PUM1: variants seen among roughly 807,000 people sequenced by gnomAD.
The protein encoded by PUM1 is pumilio RNA binding family member 1.
In PUM1, 13 loss-of-function variants were observed where a neutral mutation model predicts 131.8. The ratio of observed to expected loss-of-function variants is 0.10; its 90% CI spans 0.06 to 0.16. PUM1 has a LOEUF of 0.16. Among genes scored for constraint, PUM1 ranks in the 10% least tolerant of loss-of-function variants. The probability of loss-of-function intolerance (pLI) is 1.00; values close to 1 mark genes in which losing one functional copy is unlikely to be tolerated. For synonymous variants in PUM1, 509 were observed against 556.5 expected, an observed-to-expected ratio of 0.91 and a Z score of 1.20; for missense variants, 961 against 1,512.4, an observed-to-expected ratio of 0.64 and a Z score of 6.05.
chr1:31,037,295 T>G (rs1045936006), intron 2 of PUM1: 3 of 152,390 alleles, frequency 2.0e-5, no homozygotes, highest in African/African-American at 7.2e-5. Flanking sequence ...GATATTTCTC[T>G]GCTGACGTGA....
At chr1:30,961,065 G>A (rs989348111) in intron 14 of PUM1, among the ~76,000 whole-genome samples, 2 of 151,800 alleles carry the variant, frequency 1.3e-5, no homozygotes, top group Admixed American at 6.6e-5. Context: ...ATGGTGGCAC[G>A]TGCCTGTAAT....
At position 31,054,093 on chromosome 1, in the gene PUM1, C is replaced by CAAAAA. The variant is rs368330168; in HGVS notation, c.363+5106_363+5110dup. On this transcript the variant is annotated intron_variant, in intron 2 of 21. Coordinates refer to ENST00000426105, the MANE Select transcript of PUM1 (RefSeq NM_001020658.2). ...TGGACTACAGAGCAAGACTTTATTT[C>CAAAAA]AAAAAAAAAAAAAAAAAAAAAAAAA... Among the ~76,000 whole-genome samples the CAAAAA allele has an allele frequency of 8.0e-4, 44 of 54,880 alleles. 2 individuals carry two copies. Among genetic ancestry groups the CAAAAA allele is most frequent in the Non-Finnish European group, 1.2e-3 (36 of 29,574 alleles). 36.0% of individuals were successfully genotyped at this position (54,880 alleles called of 152,430 possible). A position where few individuals can be genotyped will look rare whatever the true frequency, so the allele number is the denominator to read the frequency against.
Position 31,059,530 on chromosome 1 carries a change from G to A in PUM1, c.37C>T (p.Leu13Phe). ...TGGGGGCTGAAAGAGTCCTGCCAAAGCACTGCTTTTCTCTTCAAGACACAT... is the reference window on the plus strand; with the variant it reads ...TGGGGGCTGAAAGAGTCCTGCCAAAACACTGCTTTTCTCTTCAAGACACAT... ...VACVLKRKAV[L>F]WQDSFSPHLK... Residue 13 changes from leucine (L) to phenylalanine (F), a missense_variant, in exon 2 of 22, where the codon CTT becomes TTT. This residue lies in a region of PUM1 where 654 missense variants were observed against 923.9 expected (regional missense o/e 0.71). Transcript: ENST00000426105. 1.2e-6 allele frequency: 2 copies of A among 1,614,108 alleles called. No individual in the cohort carries two copies. The highest frequency in any genetic ancestry group is 1.7e-6 in the Non-Finnish European group (2 of 1,179,974).
chr1:31,048,894 T>G (rs909584612), intron 2 of PUM1, among the ~76,000 whole-genome samples: 25 of 152,102 alleles, frequency 1.6e-4, no homozygotes, highest in African/African-American at 5.5e-4. Flanking sequence ...ATCATACAAT[T>G]TTACTAATTT....
chr1:31,028,725 C>T (rs980274174), intron 3 of PUM1, 71 bp downstream of exon 3: 18 of 1,195,102 alleles, frequency 1.5e-5, no homozygotes, highest in South Asian at 1.3e-4. Flanking sequence ...GATTTGGACA[C>T]ATTTGATGAA....
Position 30,933,087 on chromosome 1 carries a change from A to G in PUM1, c.*124T>C, listed in dbSNP as rs1639023453. 8.2e-7 allele frequency: 1 copy of G among 1,212,256 alleles called. No homozygotes were observed. The highest frequency in any genetic ancestry group is 2.6e-5 in the East Asian group (1 of 38,298). The allele number at this position is 1,212,256 out of a possible 1,614,324, so 75.1% of individuals were successfully genotyped here. A position where few individuals can be genotyped will look rare whatever the true frequency, so the allele number is the denominator to read the frequency against. On this transcript the variant is annotated 3_prime_UTR_variant, in exon 22 of 22. Coordinates refer to ENST00000426105, the MANE Select transcript of PUM1 (RefSeq NM_001020658.2). ...ATTTGATTCCTTTTTTGGAGGAGGG[A>G]GTAATCCTGGAGCAACCACTTGCCC... is the stretch of plus-strand genomic sequence containing the variant.
intron 3 of PUM1, among the ~76,000 whole-genome samples, chr1:31,012,667 A>C (rs1392906923): frequency 6.6e-6 from 1 of 152,080 alleles, no homozygotes; most frequent in African/African-American, 2.4e-5. Context: ...CACTTCTTTT[A>C]AATTTGTCTG....
chr1:31,027,890 G>A (rs1225303903), intron 3 of PUM1, among the ~76,000 whole-genome samples: 1 of 152,130 alleles, frequency 6.6e-6, no homozygotes, highest in African/African-American at 2.4e-5. Flanking sequence ...TCTCCCTCTT[G>A]TGAAATATTA....
chr1:30,993,297 T>G (rs1641861711), intron 6 of PUM1, among the ~76,000 whole-genome samples: 1 of 144,820 alleles, frequency 6.9e-6, no homozygotes, highest in South Asian at 2.2e-4. Flanking sequence ...TTAAAAGTAA[T>G]GGGAAGATGT....
chr1:31,052,246 T>C (rs1440265484), intron 2 of PUM1, among the ~76,000 whole-genome samples: 1 of 151,844 alleles, frequency 6.6e-6, no homozygotes, highest in African/African-American at 2.4e-5. Flanking sequence ...TCTCCTGATC[T>C]CGTGATCCGC....
intron 20 of PUM1, among the ~76,000 whole-genome samples, chr1:30,937,106 T>C (rs567741387): frequency 4.6e-5 from 7 of 152,100 alleles, no homozygotes; most frequent in Non-Finnish European, 7.4e-5. Flanking sequence ...GATCAAATTA[T>C]ACACTGCCAT....
At chr1:30,979,365 T>TA (rs1641267161) in intron 9 of PUM1, among the ~76,000 whole-genome samples, 1 of 152,106 alleles carries the variant, frequency 6.6e-6, no homozygotes, top group South Asian at 2.1e-4. Flanking sequence ...GGCAGTCAAC[T>TA]AGGAAGGGAA....
chr1:30,942,761 G>A (rs769554269), intron 18 of PUM1, among the ~76,000 whole-genome samples: 2 of 152,130 alleles, frequency 1.3e-5, no homozygotes, highest in Non-Finnish European at 2.9e-5. Context: ...ATCACACCCA[G>A]TGCTTTCTGT....
intron 2 of PUM1, chr1:31,055,361 C>G: frequency 2.2e-6 from 1 of 456,204 alleles, no homozygotes; most frequent in South Asian, 1.5e-5. Context: ...TCAATCAACA[C>G]GAAAGTTTCA....
chr1:30,964,167 T>C (rs753747894), intron 14 of PUM1, among the ~76,000 whole-genome samples: 2 of 152,130 alleles, frequency 1.3e-5, no homozygotes. Flanking sequence ...ACATACTATA[T>C]GGTTTGAGAG....
chr1:30,968,450 G>C lies in PUM1; in HGVS notation c.1549C>G (p.Gln517Glu), dbSNP rs1570155613. 6.3e-7 allele frequency: 1 copy of C among 1,596,312 alleles called. No homozygotes were observed. Among genetic ancestry groups the C allele is most frequent in the East Asian group, 2.3e-5 (1 of 44,252 alleles). The change falls in exon 11 of 22, where the codon CAG (glutamine) becomes GAG (glutamate). Residue 517 changes from glutamine (Q) to glutamate (E), a missense_variant. Physicochemically the swap from Gln to Glu is conservative, Grantham distance 29. Around this residue, in one of 4 missense-constraint regions of PUM1, gnomAD observed 654 missense variants for 923.9 expected, o/e 0.71. Transcript: ENST00000426105. ...TCCGTTTGCTGTCCCTGCTGGTTCTGGTTTGGGGTCAAAGGACGTTGGCTG... is the reference window on the plus strand; with the variant it reads ...TCCGTTTGCTGTCCCTGCTGGTTCTCGTTTGGGGTCAAAGGACGTTGGCTG... ...GASQRPLTPN[Q>E]NQQGQQTDPL...
intron 8 of PUM1, 83 bp downstream of exon 8, chr1:30,981,229 A>T: frequency 1.2e-6 from 1 of 848,612 alleles, no homozygotes; most frequent in Non-Finnish European, 1.8e-6. Flanking sequence ...TAATCAGTTT[A>T]AATTACTGGG....
rs545536544 is a variant in PUM1 at position 30,955,232 on chromosome 1, G to A, written c.2324-1251C>T. Among the ~76,000 whole-genome samples, 37 of 150,060 alleles carry A rather than the reference G, an allele frequency of 2.5e-4. No individual in the cohort carries two copies. The East Asian group carries it at 5.3e-3, about 22-fold the overall frequency. Reference sequence around the variant, plus strand: ...ACACTTTGGGAGGCTGAGACGGGCCGATCACAAGGTCGGGAGATCAAGACC... The same window carrying A: ...ACACTTTGGGAGGCTGAGACGGGCCAATCACAAGGTCGGGAGATCAAGACC... On this transcript the variant is annotated intron_variant, in intron 14 of 21. Transcript: ENST00000426105.
chr1:31,058,203 T>C (rs1358120967), intron 2 of PUM1, among the ~76,000 whole-genome samples: 1 of 152,222 alleles, frequency 6.6e-6, no homozygotes, highest in African/African-American at 2.4e-5. Flanking sequence ...GAGCAGCTGA[T>C]GTTATCAACT....
Sources: gnomAD v4.1 joint callset for allele counts (sites outside exome capture counted in the v4.1 genomes callset) on GRCh38, gnomAD v4.1.1 for gene constraint, gnomAD v4.1.1 regional missense constraint, MANE v1.5 for transcripts, NCBI Gene and HGNC (gene_info 2026-07-23, HGNC 2026-07-21) for gene names.